The following RRM2 variants were observed in gnomAD, a reference collection of about 807,000 sequenced individuals.
RRM2 encodes the protein ribonucleoside-diphosphate reductase subunit M2.
In RRM2, 6 loss-of-function variants were observed where a neutral mutation model predicts 45.9. The observed-to-expected ratio is 0.13, with a 90% CI of 0.07 to 0.26. RRM2 has a LOEUF of 0.26. RRM2 is among the 10% of genes least tolerant of loss of function. The pLI is 1.00. For synonymous variants in RRM2, 177 were observed against 173.0 expected (o/e 1.02, Z -0.18); for missense variants, 343 against 489.5 (o/e 0.70, Z 2.82).
chr2:10,173,886 C>T (rs527974092), intron 3 of RRM2, among the ~76,000 whole-genome samples: 47 of 152,260 alleles, frequency 3.1e-4, no homozygotes, highest in South Asian at 1.7e-3. Flanking sequence ...GGCCGAGTGG[C>T]GATTGGGCTG....
downstream of RRM2, among the ~76,000 whole-genome samples, chr2:10,135,773 A>G (rs1252202073): frequency 6.6e-6 from 1 of 152,216 alleles, no homozygotes; most frequent in Non-Finnish European, 1.5e-5. Context: ...GATAGAAGTT[A>G]TTGGCCTAAA....
intron 3 of RRM2, among the ~76,000 whole-genome samples, chr2:10,182,286 T>G (rs965194438): frequency 6.6e-6 from 1 of 151,722 alleles, no homozygotes; most frequent in Non-Finnish European, 1.5e-5. Context: ...TGCAGTGAGC[T>G]GAGATAGTTC....
At chr2:10,191,060 G>C (rs529069912) in intron 3 of RRM2, among the ~76,000 whole-genome samples, 2 of 152,182 alleles carry the variant, frequency 1.3e-5, no homozygotes, top group African/African-American at 4.8e-5. Flanking sequence ...GAGCACAAAG[G>C]CATGGCGAGA....
chr2:10,189,092 C>T (rs1240133794), intron 3 of RRM2, among the ~76,000 whole-genome samples: 1 of 152,132 alleles, frequency 6.6e-6, no homozygotes, highest in Non-Finnish European at 1.5e-5. Flanking sequence ...AATGGAGGCA[C>T]AGGAGGGCTA....
At chr2:10,197,152 C>T (rs1464799441) in intron 3 of RRM2, among the ~76,000 whole-genome samples, 1 of 152,254 alleles carries the variant, frequency 6.6e-6, no homozygotes, top group Admixed American at 6.5e-5. Flanking sequence ...TGTGCTGACT[C>T]AGCCTCTGAG....
chr2:10,157,563 G>A (rs1336964361), intron 3 of RRM2, among the ~76,000 whole-genome samples: 3 of 152,142 alleles, frequency 2.0e-5, no homozygotes, highest in Non-Finnish European at 4.4e-5. Context: ...GCTCGGTGTG[G>A]TACTTTATGC....
At chr2:10,133,703 A>ATTTTTTTTTTTTTTTT (rs33987822), downstream of RRM2, among the ~76,000 whole-genome samples, 1 of 133,248 alleles carries the variant, frequency 7.5e-6, no homozygotes, top group Non-Finnish European at 1.6e-5. Context: ...TGACATCAGG[A>ATTTTTTTTTTTTTTTT]TTTTTTTTTT....
chr2:10,146,578 C>G (rs564464341), intron 3 of RRM2, among the ~76,000 whole-genome samples: 2 of 152,366 alleles, frequency 1.3e-5, no homozygotes, highest in East Asian at 3.9e-4. Flanking sequence ...CACTGGGCAA[C>G]GCTGTGTCCC....
intron 3 of RRM2, among the ~76,000 whole-genome samples, chr2:10,188,673 T>TAAAGGGC (rs1394787396): frequency 2.0e-5 from 3 of 151,648 alleles, no homozygotes; most frequent in African/African-American, 4.8e-5. Flanking sequence ...TTGAGGGGGA[T>TAAAGGGC]AAAGGGCAGC....
At chr2:10,164,685 G>A (rs1663644283) in intron 3 of RRM2, among the ~76,000 whole-genome samples, 2 of 152,238 alleles carry the variant, frequency 1.3e-5, no homozygotes, top group Admixed American at 1.3e-4. Context: ...GGGGAGGGAT[G>A]TGGGTGTGGC....
chr2:10,134,398 G>A (rs1219304780), downstream of RRM2, among the ~76,000 whole-genome samples: 1 of 152,112 alleles, frequency 6.6e-6, no homozygotes, highest in Non-Finnish European at 1.5e-5. Context: ...CAAAACCGTG[G>A]CATAAAGCTA....
At chr2:10,147,056 G>A (rs1331535749) in intron 3 of RRM2, among the ~76,000 whole-genome samples, 3 of 152,168 alleles carry the variant, frequency 2.0e-5, no homozygotes, top group Non-Finnish European at 1.5e-5. Context: ...GGGTTCAAGC[G>A]ATTCTCCTGC....
intron 3 of RRM2, among the ~76,000 whole-genome samples, chr2:10,164,800 T>G (rs757567805): frequency 6.6e-6 from 1 of 152,160 alleles, no homozygotes. Context: ...TGCCCCTCCC[T>G]GGTCCTGCAG....
At chr2:10,161,132 C>G (rs1663547624) in intron 3 of RRM2, among the ~76,000 whole-genome samples, 1 of 152,136 alleles carries the variant, frequency 6.6e-6, no homozygotes, top group African/African-American at 2.4e-5. Flanking sequence ...TGCGTGATCT[C>G]AGCTCACTGC....
chr2:10,136,614 T>A (rs569213588), upstream of RRM2, among the ~76,000 whole-genome samples: 70 of 152,002 alleles, frequency 4.6e-4, no homozygotes, highest in Middle Eastern at 3.4e-3. Flanking sequence ...TATAGAAAAA[T>A]TTTTAAAAAT....
chr2:10,126,046 C>T (rs1395896987), intron 5 of RRM2, among the ~76,000 whole-genome samples: 1 of 151,534 alleles, frequency 6.6e-6, no homozygotes, highest in African/African-American at 2.4e-5. Context: ...GTAGTCCCAG[C>T]TACTTGGCAG....
intron 3 of RRM2, among the ~76,000 whole-genome samples, chr2:10,143,873 G>A (rs1663136886): frequency 2.0e-5 from 3 of 152,110 alleles, no homozygotes; most frequent in Admixed American, 2.0e-4. Context: ...TCACCATGTT[G>A]GCCAGGATGG....
At chr2:10,200,450 C>T (rs1664530627) in intron 3 of RRM2, among the ~76,000 whole-genome samples, 1 of 135,286 alleles carries the variant, frequency 7.4e-6, no homozygotes, top group African/African-American at 2.8e-5. Context: ...AAATATGAGG[C>T]CCACAGGGAC....
At chr2:10,153,122 A>G (rs190835683) in intron 3 of RRM2, among the ~76,000 whole-genome samples, 249 of 152,246 alleles carry the variant, frequency 1.6e-3, no homozygotes, top group African/African-American at 5.4e-3. Flanking sequence ...ACTTGAGGTC[A>G]GGAGTTTGAG....
Sources: gnomAD v4.1 joint callset for allele counts (sites outside exome capture counted in the v4.1 genomes callset) on GRCh38, gnomAD v4.1.1 for gene constraint, MANE v1.5 for transcripts, NCBI Gene and HGNC (gene_info 2026-07-23, HGNC 2026-07-21) for gene names.